The following ZNF300 variants were observed in gnomAD, a reference collection of about 807,000 sequenced individuals.
ZNF300 encodes the protein kruppel-like zinc finger protein.
ZNF300 carries 6 observed loss-of-function variants against 13.9 expected under a neutral mutation model. That is an observed-to-expected ratio of 0.43 (90% CI 0.24 to 0.85). ZNF300 has a LOEUF of 0.85. Ranked by LOEUF, ZNF300 falls within the 40% of genes least tolerant of loss-of-function variation. The pLI, the probability that ZNF300 is intolerant of heterozygous loss-of-function variation, is 0.25. For synonymous variants in ZNF300, 237 were observed against 242.2 expected, an observed-to-expected ratio of 0.98 and a Z score of 0.20; for missense variants, 662 against 714.2, an observed-to-expected ratio of 0.93 and a Z score of 0.83.
Position 150,895,624 on chromosome 5 carries a change from G to A in ZNF300, c.1615C>T (p.His539Tyr), listed in dbSNP as rs1184467971. The A allele has an allele frequency of 6.2e-7, 1 of 1,613,194 alleles. No individual in the cohort carries two copies. Among genetic ancestry groups the A allele is most frequent in the African/African-American group, 1.3e-5 (1 of 74,874 alleles). Residue 539 changes from histidine (H) to tyrosine (Y), a missense_variant, in exon 6 of 6, where the codon CAC (histidine) becomes TAC (tyrosine). Coordinates refer to ENST00000274599, the MANE Select transcript of ZNF300 (RefSeq NM_052860.4). The part of the protein sequence containing the change: ...AFSQKSHLPG[H>Y]QRIHTGEKPY... ...TTCTCTCCTGTATGAATTCGCTGGT[G>A]TCCCGGAAGGTGGGACTTCTGAGAG...
In ZNF300 at chr5:150,895,967, G is replaced by C; in HGVS notation, c.1272C>G (p.Leu424=). The C allele has an allele frequency of 6.2e-7, 1 of 1,612,974 alleles. No homozygotes were observed. Among genetic ancestry groups the C allele is most frequent in the Non-Finnish European group, 8.5e-7 (1 of 1,179,626 alleles). ...CGKAFCEKSH[L]IIHKRIHTGE... ...CAGTGTGAATTCTTTTATGTATAAT[G>C]AGGTGGGACTTCTCACAGAAGGCTT... The change falls in exon 6 of 6, where the codon CTC becomes CTG. Residue 424 remains leucine, a synonymous_variant. Transcript: ENST00000274599.
rs1754713586 is a variant in ZNF300 at position 150,895,272 on chromosome 5, T to C, written c.*152A>G. Reference sequence around the variant, plus strand: ...TTATATAACTATTTTCCATCATCTTTGCTGGAAAAGTTAGGCATCACCAAA... The same window carrying C: ...TTATATAACTATTTTCCATCATCTTCGCTGGAAAAGTTAGGCATCACCAAA... On this transcript the variant is annotated 3_prime_UTR_variant, in exon 6 of 6. Coordinates refer to ENST00000274599, the MANE Select transcript of ZNF300 (RefSeq NM_052860.4). The C allele has an allele frequency of 1.1e-5, 6 of 539,930 alleles. No homozygotes were observed. The highest frequency in any genetic ancestry group is 1.9e-5 in the Non-Finnish European group (6 of 311,776). The allele number at this position is 539,930 out of a possible 1,614,324, so 33.4% of individuals were successfully genotyped here.
Position 150,898,526 on chromosome 5 carries a change from A to G in ZNF300, c.44T>C (p.Val15Ala). The change falls in exon 4 of 6, where the codon GTG becomes GCG. Residue 15 changes from valine to alanine, a missense_variant. By Grantham distance (64) the Val-to-Ala change is moderately conservative (BLOSUM62 0). Transcript: ENST00000274599. ...QGLVSFKDVA[V>A]DFTQEEWQQL... ...CTGCCACTCCTCCTGGGTGAAATCC[A>G]CAGCCACATCCTTGAATGATACTAA... The G allele has an allele frequency of 6.2e-7, 1 of 1,612,656 alleles. No individual in the cohort carries two copies.
chr5:150,896,686 G>A lies in ZNF300; in HGVS notation c.553C>T (p.His185Tyr). Residue 185 changes from histidine to tyrosine, a missense_variant, in exon 6 of 6, where the codon CAT (histidine) becomes TAT (tyrosine). By Grantham distance (83) the His-to-Tyr change is moderately conservative. Coordinates refer to ENST00000274599, the MANE Select transcript of ZNF300 (RefSeq NM_052860.4). ...TTCTTTTTAAAAGCATCATATTTAT[G>A]GAATCTCTGTATTGATATATCTGTT... ...IETDISIQRF[H>Y]KYDAFKKNLK... 1 of 1,613,422 alleles carries A rather than the reference G, an allele frequency of 6.2e-7. No homozygotes were observed. Among genetic ancestry groups the A allele is most frequent in the East Asian group, 2.2e-5 (1 of 44,852 alleles).
intron 3 of ZNF300, 35 bp from the exon 4 acceptor site, chr5:150,898,589 T>C: frequency 6.5e-7 from 1 of 1,545,638 alleles, no homozygotes. Context: ...TCTGAAATGA[T>C]CATTCTCATA....
chr5:150,898,318 T>A, intron 4 of ZNF300, 110 bp downstream of exon 4: 1 of 1,597,142 alleles, frequency 6.3e-7, no homozygotes, highest in Non-Finnish European at 8.6e-7. Context: ...TGCAAAGGTA[T>A]GAAGGTCATA....
Position 150,896,899 on chromosome 5 carries a change from C to T in ZNF300, c.340G>A (p.Gly114Arg). Residue 114 changes from glycine (G) to arginine (R), a missense_variant, in exon 6 of 6, where the codon GGA becomes AGA. Physicochemically the swap from Gly to Arg is moderately radical, Grantham distance 125. Coordinates refer to ENST00000274599, the MANE Select transcript of ZNF300 (RefSeq NM_052860.4). ...TVSFHHKILKGVTRDGSLCSI... is the reference protein window; with the variant it reads ...TVSFHHKILKRVTRDGSLCSI... ...CACAATGAACCATCCCTTGTGACTC[C>T]TTTCAGTATCTTATGATGGAAGGAA... The T allele has an allele frequency of 2.5e-6, 4 of 1,613,468 alleles. No homozygotes were observed. The highest frequency in any genetic ancestry group is 3.4e-6 in the Non-Finnish European group (4 of 1,179,674).
chr5:150,897,143 G>A, intron 5 of ZNF300, 170 bp from the exon 6 acceptor site: 1 of 475,786 alleles, frequency 2.1e-6, no homozygotes, highest in African/African-American at 2.0e-5. Flanking sequence ...TGAATAGACA[G>A]ACAAGAATGT....
chr5:150,897,057 C>T, intron 5 of ZNF300, 84 bp from the exon 6 acceptor site: 3 of 1,077,166 alleles, frequency 2.8e-6, no homozygotes, highest in South Asian at 3.3e-5. Context: ...GATGATCCAA[C>T]ATAGTAGATG....
Position 150,896,047 on chromosome 5 carries a change from T to C in ZNF300, c.1192A>G (p.Ile398Val). Residue 398 changes from isoleucine to valine, a missense_variant, in exon 6 of 6, where the codon ATA becomes GTA. Physicochemically the swap from Ile to Val is conservative, Grantham distance 29 (BLOSUM62 3). Transcript: ENST00000274599. ...TCTCCAGTATGAGCTCTGTGGTGTA[T>C]AATCAGCTGTGACTTCTGGGAAAAG... ...KAFSQKSQLI[I>V]HHRAHTGEKP... is the part of the protein sequence containing the mutation. 6.2e-7 allele frequency: 1 copy of C among 1,613,362 alleles called. No individual in the cohort carries two copies. The highest frequency in any genetic ancestry group is 1.1e-5 in the South Asian group (1 of 91,038).
intron 3 of ZNF300, among the ~76,000 whole-genome samples, chr5:150,900,968 C>T (rs1259013966): frequency 6.6e-6 from 1 of 152,000 alleles, no homozygotes; most frequent in Non-Finnish European, 1.5e-5. Flanking sequence ...AAAAATTATA[C>T]TTTTGTCAAC....
chr5:150,895,245 A>G lies in ZNF300; in HGVS notation c.*179T>C, dbSNP rs1323301425. The G allele has an allele frequency of 1.4e-5, 7 of 509,762 alleles. No individual in the cohort carries two copies. The highest frequency in any genetic ancestry group is 4.0e-5 in the South Asian group (1 of 25,170). 31.6% of individuals were successfully genotyped at this position (509,762 alleles called of 1,614,324 possible). ...ACATGCCATATTAAAAATGTTCTTC[A>G]TTTATATAACTATTTTCCATCATCT... On this transcript the variant is annotated 3_prime_UTR_variant, in exon 6 of 6. Coordinates refer to ENST00000274599, the MANE Select transcript of ZNF300 (RefSeq NM_052860.4).
chr5:150,899,779 A>G (rs1754929020), intron 3 of ZNF300, among the ~76,000 whole-genome samples: 1 of 152,180 alleles, frequency 6.6e-6, no homozygotes, highest in South Asian at 2.1e-4. Flanking sequence ...ATAGTTGTTA[A>G]CTAATAGCAG....
Position 150,898,446 on chromosome 5 carries a change from T to C in ZNF300, c.124A>G (p.Ser42Gly), listed in dbSNP as rs1413455466. 1 of 1,613,534 alleles carries C rather than the reference T, an allele frequency of 6.2e-7. No homozygotes were observed. Among genetic ancestry groups the C allele is most frequent in the Non-Finnish European group, 8.5e-7 (1 of 1,179,616 alleles). The change falls in exon 4 of 6, where the codon AGC becomes GGC. Residue 42 changes from serine (S) to glycine (G), a missense_variant. Coordinates refer to ENST00000274599, the MANE Select transcript of ZNF300 (RefSeq NM_052860.4). ...LYRDVMLENY[S>G]HLVSMGYPVS... is the part of the protein sequence containing the mutation. ...TCCTTACCCATTGAGACCAGGTGGC[T>C]GTAGTTCTCCAGCATCACATCCCTG...
chr5:150,897,215 C>G (rs1210171160), intron 5 of ZNF300: 5 of 381,716 alleles, frequency 1.3e-5, no homozygotes, highest in Non-Finnish European at 2.3e-5. Flanking sequence ...GGTCTCATCA[C>G]TAATTTTTGA....
At position 150,896,396 on chromosome 5, in the gene ZNF300, C is replaced by T. The variant is rs79142878; in HGVS notation, c.843G>A (p.Lys281=). Residue 281 remains lysine, a synonymous_variant, in exon 6 of 6, where the codon AAG becomes AAA. Transcript: ENST00000274599. Reference sequence around the variant, plus strand: ...TTCTTTGATGTACAATGAGTTGTGACTTCTTAGCAAAGGCTTTTCCACATG... The same window carrying T: ...TTCTTTGATGTACAATGAGTTGTGATTTCTTAGCAAAGGCTTTTCCACATG... ...CVTCGKAFAK[K]SQLIVHQRIH... is the part of the protein sequence containing the mutation. 5 of 1,613,630 alleles carry T rather than the reference C, an allele frequency of 3.1e-6. No homozygotes were observed. The highest frequency in any genetic ancestry group is 4.2e-6 in the Non-Finnish European group (5 of 1,179,836).
At chr5:150,900,803 G>A (rs182234264) in intron 3 of ZNF300, 1 of 152,140 alleles carries the variant, frequency 6.6e-6, no homozygotes, top group African/African-American at 2.4e-5. Context: ...GATAATAAAT[G>A]TGGAATACAG....
At position 150,898,560 on chromosome 5, in the gene ZNF300, A is replaced by C. The variant is rs1754882201; in HGVS notation, c.16-6T>G. ...TCCTTGAATGATACTAACCCCTGTA[A>C]TAGTAAATTCCTGTTCAATCTGAAA... On this transcript the variant is annotated splice_polypyrimidine_tract_variant and splice_region_variant and intron_variant, in intron 3 of 5. Coordinates refer to ENST00000274599, the MANE Select transcript of ZNF300 (RefSeq NM_052860.4). The C allele has an allele frequency of 6.3e-7, 1 of 1,591,480 alleles. No homozygotes were observed. The highest frequency in any genetic ancestry group is 8.6e-7 in the Non-Finnish European group (1 of 1,167,678).
intron 3 of ZNF300, among the ~76,000 whole-genome samples, chr5:150,900,032 CAGTT>C (rs748931089): frequency 6.6e-5 from 10 of 152,132 alleles, no homozygotes; most frequent in South Asian, 2.1e-4. Context: ...AGCTGCCAAA[CAGTT>C]AGTTGTCCAT....
Sources: allele counts gnomAD v4.1 joint callset (sites outside exome capture counted in the v4.1 genomes callset), GRCh38; gene constraint gnomAD v4.1.1; transcripts MANE v1.5; gene names NCBI Gene and HGNC (gene_info 2026-07-23, HGNC 2026-07-21).